Variants in ZNF717 observed in about 807,000 individuals in gnomAD.
ZNF717 encodes the protein krueppel-like factor X17.
ZNF717 carries 9 observed loss-of-function variants against 13.8 expected under a neutral mutation model. The ratio of observed to expected loss-of-function variants is 0.65; its 90% CI spans 0.39 to 1.14. ZNF717 has a LOEUF of 1.14. Ranked by LOEUF, ZNF717 falls within the 50% of genes most tolerant of loss-of-function variation. ZNF717 has a pLI of 0.01. For synonymous variants in ZNF717, 327 were observed against 364.1 expected, an observed-to-expected ratio of 0.90 and a Z score of 1.16; for missense variants, 1,040 against 1,080.7, an observed-to-expected ratio of 0.96 and a Z score of 0.53.
At chr3:75,735,152 TA>T (rs1939005691), downstream of ZNF717, among the ~76,000 whole-genome samples, 1 of 152,210 alleles carries the variant, frequency 6.6e-6, no homozygotes, top group East Asian at 1.9e-4. Flanking sequence ...TATACAAGGC[TA>T]TGTATGCTTA....
At position 75,736,612 on chromosome 3, in the gene ZNF717, T is replaced by C. The variant is rs1225826458; in HGVS notation, c.*266A>G. 7 of 451,980 alleles carry C rather than the reference T, an allele frequency of 1.5e-5. No homozygotes were observed. The Admixed American group carries it at 1.8e-4, about 12-fold the overall frequency. 28.0% of individuals were successfully genotyped at this position (451,980 alleles called of 1,614,324 possible). The stretch of plus-strand genomic sequence containing the variant: ...TCAATTCTATGGAGGAGAAGAGAGG[T>C]GAGGAAGTTGCAGAAGAAATGTTTG... On this transcript the variant is annotated 3_prime_UTR_variant, in exon 5 of 5. Transcript: ENST00000652011.
intron 2 of ZNF717, among the ~76,000 whole-genome samples, chr3:75,764,306 G>T (rs997006532): frequency 6.6e-6 from 1 of 152,114 alleles, no homozygotes; most frequent in African/African-American, 2.4e-5. Flanking sequence ...TCTGTTTCCT[G>T]CCTTTTTCCC....
At chr3:75,745,971 C>T (rs374798279) in intron 2 of ZNF717, among the ~76,000 whole-genome samples, 1 of 152,002 alleles carries the variant, frequency 6.6e-6, no homozygotes, top group East Asian at 1.9e-4. Flanking sequence ...TGTGCTGCAC[C>T]CAGTAACTCG....
In ZNF717 at chr3:75,741,743, T is replaced by C. The variant is rs1940487311; in HGVS notation, c.58-7A>G. 1.1e-5 allele frequency: 18 copies of C among 1,574,982 alleles called. No homozygotes were observed. The highest frequency in any genetic ancestry group is 1.7e-6 in the Non-Finnish European group (2 of 1,162,036). On this transcript the variant is annotated splice_polypyrimidine_tract_variant and splice_region_variant and intron_variant, in intron 2 of 4. Transcript: ENST00000652011. ...CCTCAAAGGACACCAACTCCTGTAA[T>C]GATACCAGGCTGTTGTAGGTCTCCA...
intron 2 of ZNF717, among the ~76,000 whole-genome samples, chr3:75,757,950 TA>T (rs559373448): frequency 1.1e-3 from 149 of 133,834 alleles, no homozygotes; most frequent in Non-Finnish European, 1.2e-3. Context: ...CTGTCTCTAC[TA>T]AAAAAAAAAA....
At position 75,738,351 on chromosome 3, in the gene ZNF717, T is replaced by TG; in HGVS notation, c.1271dup (p.Cys425MetfsTer2). 1 of 1,535,682 alleles carries TG rather than the reference T, an allele frequency of 6.5e-7. No homozygotes were observed. Among genetic ancestry groups the TG allele is most frequent in the Non-Finnish European group, 8.8e-7 (1 of 1,135,576 alleles). Reference sequence around the variant, plus strand: ...TAAATGCTTCTTCACAATGGTCACATGCATAGGGCTTTTCCCCTGTGTGAG... The same window carrying TG: ...TAAATGCTTCTTCACAATGGTCACATGGCATAGGGCTTTTCCCCTGTGTGAG... On this transcript the variant is annotated frameshift_variant, in exon 5 of 5. Coordinates refer to ENST00000652011, the MANE Select transcript of ZNF717 (RefSeq NM_001290208.3). LOFTEE classifies it low-confidence loss of function (END_TRUNC).
intron 2 of ZNF717, among the ~76,000 whole-genome samples, chr3:75,750,353 A>ATG (rs1283034116): frequency 0.082 from 12,126 of 147,546 alleles, 632 homozygotes; most frequent in Non-Finnish European, 0.12. Context: ...TGGGGTCTGA[A>ATG]TGTTTGTCCC....
chr3:75,781,792 T>A (rs1295065637), intron 2 of ZNF717, among the ~76,000 whole-genome samples: 1 of 152,204 alleles, frequency 6.6e-6, no homozygotes, highest in Non-Finnish European at 1.5e-5. Flanking sequence ...GATAGTATCA[T>A]AAAGCCCGCA....
chr3:75,717,386 G>A (rs1274893981), intron 4 of ZNF717, among the ~76,000 whole-genome samples: 5 of 152,104 alleles, frequency 3.3e-5, no homozygotes, highest in African/African-American at 4.8e-5. Context: ...TATTTTGAAC[G>A]GGTAGAAAAT....
intron 2 of ZNF717, among the ~76,000 whole-genome samples, chr3:75,769,732 T>C (rs560850865): frequency 6.6e-6 from 1 of 152,220 alleles, no homozygotes; most frequent in South Asian, 2.1e-4. Flanking sequence ...CACTTTTTGT[T>C]CTTAACCAAG....
chr3:75,774,558 T>A (rs988228461), intron 2 of ZNF717, among the ~76,000 whole-genome samples: 7 of 151,766 alleles, frequency 4.6e-5, no homozygotes, highest in African/African-American at 1.7e-4. Context: ...TTATATTTAG[T>A]GTATGTCATC....
intron 6 of ZNF717, among the ~76,000 whole-genome samples, chr3:75,701,300 C>G (rs1363451269): frequency 1.3e-5 from 2 of 152,280 alleles, no homozygotes; most frequent in African/African-American, 4.8e-5. Flanking sequence ...GCTTCCCCAT[C>G]TGCCATGATT....
In ZNF717 at chr3:75,737,299, G is replaced by A. The variant is rs77097895; in HGVS notation, c.2324C>T (p.Thr775Met). 24 of 1,552,622 alleles carry A rather than the reference G, an allele frequency of 1.5e-5. No homozygotes were observed. Among genetic ancestry groups the A allele is most frequent in the African/African-American group, 5.5e-5 (4 of 72,996 alleles). Residue 775 changes from threonine (T) to methionine (M), a missense_variant, in exon 5 of 5, where the codon ACG becomes ATG. By Grantham distance (81) the Thr-to-Met change is moderately conservative. Transcript: ENST00000652011. The part of the protein sequence containing the change: ...KTFCHKSNLS[T>M]HQGTHSGEKP... ...CTCTCCTGAGTGAGTCCCCTGATGC[G>A]TACTGAGGTTTGACTTGTGACAAAA...
At chr3:75,725,802 C>G (rs76459773), downstream of ZNF717, among the ~76,000 whole-genome samples, 1 of 152,214 alleles carries the variant, frequency 6.6e-6, no homozygotes, top group Admixed American at 6.5e-5. Context: ...TACCTCCCCC[C>G]AGGTTCCTCC....
intron 5 of ZNF717, among the ~76,000 whole-genome samples, chr3:75,712,944 T>C (rs1332678715): frequency 7.8e-6 from 1 of 128,646 alleles, no homozygotes; most frequent in Admixed American, 7.8e-5. Context: ...CACTTTTATA[T>C]AGAATTATAT....
chr3:75,725,063 T>C (rs1938250735), downstream of ZNF717, among the ~76,000 whole-genome samples: 1 of 151,968 alleles, frequency 6.6e-6, no homozygotes, highest in Admixed American at 6.6e-5. Flanking sequence ...CAGCCTGCAC[T>C]CCTCGACTCA....
downstream of ZNF717, among the ~76,000 whole-genome samples, chr3:75,727,440 G>C (rs1239757854): frequency 6.6e-6 from 1 of 152,166 alleles, no homozygotes; most frequent in South Asian, 2.1e-4. Flanking sequence ...GTGTGAGTAA[G>C]AGAATATCAC....
At position 75,783,326 on chromosome 3, in the gene ZNF717, G is replaced by T; in HGVS notation, c.37C>A (p.Gln13Lys). 1 of 1,551,138 alleles carries T rather than the reference G, an allele frequency of 6.4e-7. No homozygotes were observed. Among genetic ancestry groups the T allele is most frequent in the Non-Finnish European group, 8.7e-7 (1 of 1,146,562 alleles). Residue 13 changes from glutamine (Q) to lysine (K), a missense_variant, in exon 2 of 5, where the codon CAA becomes AAA. Gln to Lys is a moderately conservative substitution (Grantham distance 53). Transcript: ENST00000652011. ...PVFSGCFQELQEKNKSLELVS... is the reference protein window; with the variant it reads ...PVFSGCFQELKEKNKSLELVS... Reference sequence around the variant, plus strand: ...CTCACCAGAGATTTATTCTTTTCTTGTAGCTCTTGGAAACAGCCAGAGAAC... The same window carrying T: ...CTCACCAGAGATTTATTCTTTTCTTTTAGCTCTTGGAAACAGCCAGAGAAC...
At chr3:75,747,511 TG>T (rs1162276362) in intron 2 of ZNF717, among the ~76,000 whole-genome samples, 1 of 152,224 alleles carries the variant, frequency 6.6e-6, no homozygotes, top group Non-Finnish European at 1.5e-5. Flanking sequence ...GTTCTTCTAC[TG>T]GTTTGTGTCC....
Sources: allele counts gnomAD v4.1 joint callset (sites outside exome capture counted in the v4.1 genomes callset), GRCh38; gene constraint gnomAD v4.1.1; transcripts MANE v1.5; gene names NCBI Gene and HGNC (gene_info 2026-07-23, HGNC 2026-07-21).